Variants in FRMD5 observed in about 807,000 individuals in gnomAD.
FRMD5 encodes the protein FERM domain-containing protein 5.
In FRMD5, 20 loss-of-function variants were observed where a neutral mutation model predicts 69.0. The observed-to-expected ratio is 0.29, with a 90% confidence interval of 0.20 to 0.42. FRMD5 has a LOEUF of 0.42. Among genes scored for constraint, FRMD5 ranks in the 10% least tolerant of loss-of-function variants. The pLI is 1.00. For missense variants in FRMD5, 595 were observed against 708.6 expected (o/e 0.84, Z 1.82); for synonymous variants, 271 against 260.1 (o/e 1.04, Z -0.40).
At chr15:43,970,772 G>C (rs2090363662) in intron 1 of FRMD5, among the ~76,000 whole-genome samples, 1 of 152,114 alleles carries the variant, frequency 6.6e-6, no homozygotes, top group African/African-American at 2.4e-5. Flanking sequence ...TATTTCTGAA[G>C]TTCATTTCCA....
intron 1 of FRMD5, among the ~76,000 whole-genome samples, chr15:44,084,759 A>G (rs186028672): frequency 8.5e-5 from 13 of 152,212 alleles, no homozygotes; most frequent in African/African-American, 2.9e-4. Context: ...TTGTATCTCA[A>G]ATTTGTTTTT....
At chr15:44,098,783 T>C (rs1412577267) in intron 1 of FRMD5, among the ~76,000 whole-genome samples, 2 of 152,196 alleles carry the variant, frequency 1.3e-5, no homozygotes, top group Non-Finnish European at 2.9e-5. Flanking sequence ...TTAAACTTCA[T>C]ATATTAGAAT....
intron 1 of FRMD5, among the ~76,000 whole-genome samples, chr15:44,062,727 T>C (rs1893142787): frequency 6.7e-6 from 1 of 150,008 alleles, no homozygotes; most frequent in South Asian, 2.1e-4. Flanking sequence ...AGAATGTACA[T>C]AGGTTACATG....
chr15:44,015,044 A>T (rs1890894575), intron 1 of FRMD5, among the ~76,000 whole-genome samples: 1 of 152,186 alleles, frequency 6.6e-6, no homozygotes, highest in Admixed American at 6.5e-5. Context: ...CCCAAAAGAA[A>T]AGAAAAAAAC....
chr15:44,073,623 T>C (rs968522141), intron 1 of FRMD5, among the ~76,000 whole-genome samples: 1 of 152,188 alleles, frequency 6.6e-6, no homozygotes, highest in Non-Finnish European at 1.5e-5. Context: ...TGGTTTTCTT[T>C]ATAGGCCTTA....
chr15:43,955,477 T>C (rs575526560), intron 1 of FRMD5, among the ~76,000 whole-genome samples: 1 of 152,356 alleles, frequency 6.6e-6, no homozygotes, highest in Admixed American at 6.5e-5. Flanking sequence ...GGCCCAGTTA[T>C]CACAAGGGAT....
chr15:43,877,118 G>C (rs1046990741), intron 13 of FRMD5, among the ~76,000 whole-genome samples: 2 of 152,156 alleles, frequency 1.3e-5, no homozygotes, highest in Non-Finnish European at 2.9e-5. Context: ...TAGGCTCAAT[G>C]TCTGCATTTT....
intron 1 of FRMD5, among the ~76,000 whole-genome samples, chr15:44,000,571 T>C (rs1352494400): frequency 6.6e-6 from 1 of 151,696 alleles, no homozygotes; most frequent in Non-Finnish European, 1.5e-5. Flanking sequence ...GCGATTCTCA[T>C]GCTTCAGCCT....
chr15:43,937,241 A>G (rs967363651), intron 1 of FRMD5, among the ~76,000 whole-genome samples: 4 of 152,230 alleles, frequency 2.6e-5, no homozygotes, highest in Non-Finnish European at 4.4e-5. Context: ...CTTCAGATCA[A>G]TGGGTGATAA....
intron 1 of FRMD5, among the ~76,000 whole-genome samples, chr15:44,186,864 T>C (rs2078110883): frequency 6.6e-6 from 1 of 152,220 alleles, no homozygotes; most frequent in Admixed American, 6.5e-5. Context: ...AGCCTGGCAT[T>C]GTGTTGAGTG....
chr15:43,882,822 G>C (rs945280380), intron 13 of FRMD5, among the ~76,000 whole-genome samples: 1 of 150,422 alleles, frequency 6.6e-6, no homozygotes, highest in Non-Finnish European at 1.5e-5. Context: ...TTTTTTTCTT[G>C]AGACAGAGTC....
At chr15:44,115,233 A>C (rs967980403) in intron 1 of FRMD5, among the ~76,000 whole-genome samples, 12 of 152,190 alleles carry the variant, frequency 7.9e-5, no homozygotes, top group African/African-American at 2.9e-4. Context: ...TCATAAACAG[A>C]TACATAAAAA....
intron 1 of FRMD5, among the ~76,000 whole-genome samples, chr15:44,034,105 A>G (rs1425706610): frequency 6.6e-6 from 1 of 152,188 alleles, no homozygotes; most frequent in Non-Finnish European, 1.5e-5. Flanking sequence ...TGCTGAGTGG[A>G]AACTGTTACT....
intron 1 of FRMD5, among the ~76,000 whole-genome samples, chr15:44,093,079 G>T (rs367793040): frequency 6.6e-6 from 1 of 151,572 alleles, no homozygotes; most frequent in South Asian, 2.1e-4. Flanking sequence ...CTATAGGCGC[G>T]CACCACCACA....
At chr15:43,891,706 T>C (rs2088796542) in intron 8 of FRMD5, among the ~76,000 whole-genome samples, 1 of 152,160 alleles carries the variant, frequency 6.6e-6, no homozygotes, top group Non-Finnish European at 1.5e-5. Context: ...CCGCTAACAC[T>C]GGCTCCAGCC....
intron 13 of FRMD5, among the ~76,000 whole-genome samples, chr15:43,877,569 T>C (rs2088398434): frequency 1.3e-5 from 2 of 152,136 alleles, no homozygotes; most frequent in Non-Finnish European, 2.9e-5. Context: ...AGTAGGACAA[T>C]GGGGAGAGAG....
In FRMD5 at chr15:43,873,097, C is replaced by G. The variant is rs2088205656; in HGVS notation, c.*788G>C. The G allele has an allele frequency of 1.5e-6, 2 of 1,356,168 alleles. No homozygotes were observed. The highest frequency in any genetic ancestry group is 2.7e-5 in the South Asian group (2 of 75,344). The allele number at this position is 1,356,168 out of a possible 1,614,324, so 84.0% of individuals were successfully genotyped here. A position where few individuals can be genotyped will look rare whatever the true frequency, so the allele number is the denominator to read the frequency against. ...TTGAGGTTCTTCGGAAAAAAAAAAT[C>G]ACGTTAAGTCTAGTTTCATTATACA... On this transcript the variant is annotated 3_prime_UTR_variant, in exon 14 of 14. Transcript: ENST00000417257.
intron 1 of FRMD5, among the ~76,000 whole-genome samples, chr15:43,925,588 T>C: frequency 6.6e-6 from 1 of 152,226 alleles, no homozygotes; most frequent in Non-Finnish European, 1.5e-5. Context: ...CAATGATCTT[T>C]ATGTTACTCA....
intron 7 of FRMD5, among the ~76,000 whole-genome samples, chr15:43,900,141 G>C (rs1218423159): frequency 6.6e-6 from 1 of 152,134 alleles, no homozygotes; most frequent in Non-Finnish European, 1.5e-5. Flanking sequence ...TCAGGGAGCA[G>C]TTATTGAACA....
Sources: allele counts gnomAD v4.1 joint callset (sites outside exome capture counted in the v4.1 genomes callset), GRCh38; gene constraint gnomAD v4.1.1; transcripts MANE v1.5; gene names NCBI Gene and HGNC (gene_info 2026-07-23, HGNC 2026-07-21).